Variants in ELMO2 observed in about 807,000 individuals in gnomAD.
ELMO2 encodes engulfment and cell motility 2.
ELMO2 carries 37 observed loss-of-function variants against 96.2 expected under a neutral mutation model. The observed-to-expected ratio is 0.38, with a 90% confidence interval of 0.30 to 0.51. The LOEUF (loss-of-function observed/expected upper bound fraction) is 0.51. Among genes scored for constraint, ELMO2 ranks in the 20% least tolerant of loss-of-function variants. The pLI is 0.88. For missense variants in ELMO2, 561 were observed against 912.6 expected (o/e 0.61, Z 4.96); for synonymous variants, 315 against 329.4 (o/e 0.96, Z 0.47).
chr20:46,393,733 G>T, intron 4 of ELMO2, 132 bp from the exon 5 acceptor site: 2 of 1,024,462 alleles, frequency 2.0e-6, no homozygotes, highest in Non-Finnish European at 2.9e-6. Flanking sequence ...AAAGCTTTAG[G>T]TTGTCATGTT....
chr20:46,404,888 G>C (rs2060400506), intron 1 of ELMO2, among the ~76,000 whole-genome samples: 1 of 151,926 alleles, frequency 6.6e-6, no homozygotes, highest in African/African-American at 2.4e-5. Context: ...TTATATCTAT[G>C]GCTCACATTA....
chr20:46,378,471 C>T (rs2059902026), intron 11 of ELMO2, among the ~76,000 whole-genome samples: 1 of 152,240 alleles, frequency 6.6e-6, no homozygotes, highest in South Asian at 2.1e-4. Flanking sequence ...CTCATCCCCA[C>T]ACATGCAGAA....
chr20:46,385,492 G>C (rs1695588598), intron 9 of ELMO2, among the ~76,000 whole-genome samples: 1 of 152,214 alleles, frequency 6.6e-6, no homozygotes, highest in African/African-American at 2.4e-5. Flanking sequence ...TGTGAGAGGT[G>C]AAGGTGATTA....
intron 11 of ELMO2, among the ~76,000 whole-genome samples, chr20:46,379,757 G>A (rs1319255701): frequency 6.6e-6 from 1 of 152,084 alleles, no homozygotes; most frequent in Non-Finnish European, 1.5e-5. Flanking sequence ...TCTTCTTCAA[G>A]GCAGAAATCA....
At chr20:46,405,301 A>G (rs373058139) in intron 1 of ELMO2, among the ~76,000 whole-genome samples, 2 of 152,204 alleles carry the variant, frequency 1.3e-5, no homozygotes, top group East Asian at 3.8e-4. Context: ...GTGATGCTTA[A>G]GCGGAGATCT....
In ELMO2 at chr20:46,368,811, T is replaced by C; in HGVS notation, c.1962+80A>G. ...TGCAGCCACCCACCACAGGGGACTTTCCTGTTTTGCTCATTCCTGCCACCA... is the reference window on the plus strand; with the variant it reads ...TGCAGCCACCCACCACAGGGGACTTCCCTGTTTTGCTCATTCCTGCCACCA... On this transcript the variant is annotated intron_variant, in intron 21 of 21. Coordinates refer to ENST00000290246, the MANE Select transcript of ELMO2 (RefSeq NM_133171.5). 2.0e-6 allele frequency: 3 copies of C among 1,499,484 alleles called. No homozygotes were observed. In the Admixed American group the frequency reaches 5.1e-5, roughly 25 times the overall value. The allele number at this position is 1,499,484 out of a possible 1,614,324, so 92.9% of individuals were successfully genotyped here. A position where few individuals can be genotyped will look rare whatever the true frequency, so the allele number is the denominator to read the frequency against.
rs549122371 is a variant in ELMO2, at chr20:46,403,265, T to G, written c.-126+3283A>C. ...CAAAAGGCAAAGCATTTGTTGGTGT[T>G]CCACTATTATTATTACTATTTCCCA... On this transcript the variant is annotated intron_variant, in intron 1 of 21. Transcript: ENST00000290246. Among the ~76,000 whole-genome samples, 1,448 of 152,350 alleles carry G rather than the reference T, an allele frequency of 9.5e-3. 20 individuals carry two copies. The highest frequency in any genetic ancestry group is 0.033 in the African/African-American group (1,352 of 41,562).
In ELMO2 at chr20:46,371,566, C is replaced by T. The variant is rs370328364; in HGVS notation, c.1693+13G>A. On this transcript the variant is annotated intron_variant, in intron 18 of 21. Coordinates refer to ENST00000290246, the MANE Select transcript of ELMO2 (RefSeq NM_133171.5). The surrounding 1 kb of genome is among the most constrained non-coding windows in gnomAD (Gnocchi z 5.9). ...CTCTTCCCGGCACCAAGGATTGCCC[C>T]GTCTCCTCTCACCTTGCCTTCGGCG... 56 of 1,603,626 alleles carry T rather than the reference C, an allele frequency of 3.5e-5. No individual in the cohort carries two copies. Among genetic ancestry groups the T allele is most frequent in the Non-Finnish European group, 4.8e-5 (56 of 1,174,282 alleles).
At chr20:46,373,646 C>T (rs924322095) in intron 15 of ELMO2, 111 bp from the exon 16 acceptor site, 12 of 1,412,238 alleles carry the variant, frequency 8.5e-6, no homozygotes, top group African/African-American at 5.7e-5. Context: ...CAGCCTAAGG[C>T]GCGCAATTAA....
chr20:46,405,304 G>A (rs1422250812), intron 1 of ELMO2, among the ~76,000 whole-genome samples: 1 of 152,216 alleles, frequency 6.6e-6, no homozygotes. Context: ...ATGCTTAAGC[G>A]GAGATCTGAA....
intron 1 of ELMO2, among the ~76,000 whole-genome samples, chr20:46,406,221 C>T (rs2060439798): frequency 6.6e-6 from 1 of 152,034 alleles, no homozygotes; most frequent in Non-Finnish European, 1.5e-5. Context: ...GATCTTCCCA[C>T]CCAACGCCTC....
intron 2 of ELMO2, among the ~76,000 whole-genome samples, chr20:46,396,476 C>T (rs1446821608): frequency 1.3e-5 from 2 of 152,098 alleles, no homozygotes; most frequent in African/African-American, 4.8e-5. Context: ...GCACTCAAAA[C>T]GAGACACTGA....
chr20:46,400,919 G>A (rs751144057), intron 1 of ELMO2, among the ~76,000 whole-genome samples: 3 of 152,336 alleles, frequency 2.0e-5, no homozygotes, highest in African/African-American at 7.2e-5. Context: ...ATTGGAAACC[G>A]AATCTTAAGG....
intron 6 of ELMO2, among the ~76,000 whole-genome samples, chr20:46,389,939 G>C (rs1207791595): frequency 6.6e-6 from 1 of 152,086 alleles, no homozygotes; most frequent in African/African-American, 2.4e-5. Flanking sequence ...CAGATCACGA[G>C]GTCAGGAGTT....
At chr20:46,398,042 T>C (rs895941552) in intron 2 of ELMO2, among the ~76,000 whole-genome samples, 8 of 152,344 alleles carry the variant, frequency 5.3e-5, no homozygotes, top group Admixed American at 4.6e-4. Context: ...TTCTACTCAT[T>C]GCAACTAATA....
At chr20:46,384,102 T>A (rs1416312394) in intron 9 of ELMO2, among the ~76,000 whole-genome samples, 1 of 152,154 alleles carries the variant, frequency 6.6e-6, no homozygotes, top group African/African-American at 2.4e-5. Flanking sequence ...TATAATGAGA[T>A]CCCGATTTTG....
At chr20:46,392,662 T>A (rs974147209) in intron 6 of ELMO2, among the ~76,000 whole-genome samples, 3 of 152,272 alleles carry the variant, frequency 2.0e-5, no homozygotes, top group African/African-American at 7.2e-5. Flanking sequence ...CCAGCACTCC[T>A]GCTTTTCCCA....
At position 46,394,496 on chromosome 20, in the gene ELMO2, C is replaced by T. The variant is rs753480042; in HGVS notation, c.-14G>A. On this transcript the variant is annotated 5_prime_UTR_variant, in exon 3 of 22. Transcript: ENST00000290246. Reference sequence around the variant, plus strand: ...CGGTGGTGGCATCGTTCCCAATGGGCTCTAATTCTGCGAGACAAAAACACA... The same window carrying T: ...CGGTGGTGGCATCGTTCCCAATGGGTTCTAATTCTGCGAGACAAAAACACA... The T allele has an allele frequency of 9.3e-6, 15 of 1,614,000 alleles. No homozygotes were observed. Among genetic ancestry groups the T allele is most frequent in the Non-Finnish European group, 1.3e-5 (15 of 1,179,976 alleles).
Position 46,366,747 on chromosome 20 carries a change from T to G in ELMO2, c.*613A>C, listed in dbSNP as rs908553871. ...GCGCTTGCAGGGAGAAATTTCCGTC[T>G]GCTCTGATATCTGTATGGGCCAGAG... is the stretch of plus-strand genomic sequence containing the variant. On this transcript the variant is annotated 3_prime_UTR_variant, in exon 22 of 22. Transcript: ENST00000290246. The G allele has an allele frequency of 1.3e-5, 2 of 152,666 alleles. No homozygotes were observed. Among genetic ancestry groups the G allele is most frequent in the Non-Finnish European group, 2.9e-5 (2 of 68,084 alleles). The allele number at this position is 152,666 out of a possible 1,614,324, so 9.5% of individuals were successfully genotyped here. A position where few individuals can be genotyped will look rare whatever the true frequency, so the allele number is the denominator to read the frequency against.
Sources: allele counts gnomAD v4.1 joint callset (sites outside exome capture counted in the v4.1 genomes callset), GRCh38; gene constraint gnomAD v4.1.1; non-coding constraint Gnocchi (gnomAD v3.1); transcripts MANE v1.5; gene names NCBI Gene and HGNC (gene_info 2026-07-23, HGNC 2026-07-21).